The following CORO1C variants were observed in gnomAD, a reference collection of about 807,000 sequenced individuals.
CORO1C encodes the protein coronin 1C.
CORO1C carries 14 observed loss-of-function variants against 51.2 expected under a neutral mutation model. That is an observed-to-expected ratio of 0.27 (90% confidence interval 0.18 to 0.43). The LOEUF is 0.43. CORO1C is among the 20% of genes least tolerant of loss of function. The probability of loss-of-function intolerance (pLI) is 1.00; values close to 1 mark genes in which losing one functional copy is unlikely to be tolerated. For missense variants in CORO1C, 417 were observed against 607.8 expected (o/e 0.69, Z 3.30); for synonymous variants, 181 against 210.5 (o/e 0.86, Z 1.21).
intron 6 of CORO1C, 130 bp downstream of exon 6, chr12:108,657,174 C>T (rs754127578): frequency 2.2e-5 from 27 of 1,223,868 alleles, no homozygotes; most frequent in Non-Finnish European, 2.9e-5. Context: ...ACTTCACATC[C>T]AATCTAAGAC....
At chr12:108,650,941 CAT>C (rs746623685) in intron 8 of CORO1C, among the ~76,000 whole-genome samples, 3 of 151,902 alleles carry the variant, frequency 2.0e-5, no homozygotes, top group Non-Finnish European at 2.9e-5. Flanking sequence ...AAAAAAATCA[CAT>C]AGAGAGTTTT....
chr12:108,667,641 AG>A (rs2033536100), intron 3 of CORO1C, among the ~76,000 whole-genome samples: 1 of 152,198 alleles, frequency 6.6e-6, no homozygotes, highest in Non-Finnish European at 1.5e-5. Flanking sequence ...CTGGTGCATA[AG>A]GAAGTGAGGC....
intron 1 of CORO1C, among the ~76,000 whole-genome samples, chr12:108,714,449 T>C (rs1016611974): frequency 3.5e-5 from 5 of 143,038 alleles, no homozygotes; most frequent in South Asian, 4.5e-4. Flanking sequence ...CATAAAACAC[T>C]AGAAACACAC....
At chr12:108,673,425 G>A (rs544970543) in intron 3 of CORO1C, among the ~76,000 whole-genome samples, 2 of 152,292 alleles carry the variant, frequency 1.3e-5, no homozygotes, top group East Asian at 1.9e-4. Flanking sequence ...AACGAAAGAC[G>A]CCATCTCCAT....
At chr12:108,656,788 T>C (rs1214644261) in intron 6 of CORO1C, among the ~76,000 whole-genome samples, 1 of 152,218 alleles carries the variant, frequency 6.6e-6, no homozygotes, top group African/African-American at 2.4e-5. Context: ...CTGTGTCCAC[T>C]CAGGGTTAAA....
intron 1 of CORO1C, among the ~76,000 whole-genome samples, chr12:108,725,479 G>A (rs1302903543): frequency 6.6e-6 from 1 of 152,198 alleles, no homozygotes; most frequent in Non-Finnish European, 1.5e-5. Context: ...CACTACAGAG[G>A]AGGAAAGTGA....
chr12:108,676,325 CT>C (rs1458940219), intron 3 of CORO1C, among the ~76,000 whole-genome samples: 1 of 152,076 alleles, frequency 6.6e-6, no homozygotes, highest in Non-Finnish European at 1.5e-5. Flanking sequence ...CCTGAGTCTG[CT>C]TTTTCACTTA....
chr12:108,650,382 A>G (rs2032593290), intron 8 of CORO1C, among the ~76,000 whole-genome samples: 1 of 151,882 alleles, frequency 6.6e-6, no homozygotes. Flanking sequence ...GTCTCACTAG[A>G]TTGTCCATAC....
intron 1 of CORO1C, among the ~76,000 whole-genome samples, chr12:108,715,588 C>A (rs533744106): frequency 3.9e-5 from 6 of 151,914 alleles, no homozygotes; most frequent in African/African-American, 7.3e-5. Flanking sequence ...GCTGAAGAAA[C>A]GTCCCTTGGG....
chr12:108,677,736 C>T (rs1676247259), intron 3 of CORO1C, among the ~76,000 whole-genome samples: 1 of 152,190 alleles, frequency 6.6e-6, no homozygotes, highest in African/African-American at 2.4e-5. Flanking sequence ...TAAGCACATA[C>T]ACAAACACAC....
intron 3 of CORO1C, among the ~76,000 whole-genome samples, chr12:108,670,187 G>A (rs149087806): frequency 6.5e-4 from 99 of 152,254 alleles, no homozygotes; most frequent in African/African-American, 2.2e-3. Flanking sequence ...TAAGCAGGTG[G>A]GAGCAAACAC....
intron 2 of CORO1C, among the ~76,000 whole-genome samples, chr12:108,681,297 T>G (rs985798131): frequency 1.3e-5 from 2 of 152,216 alleles, no homozygotes; most frequent in Non-Finnish European, 2.9e-5. Context: ...ATTAAAGAGA[T>G]AATGTCTGAG....
chr12:108,715,984 G>A (rs1388301777), intron 1 of CORO1C, among the ~76,000 whole-genome samples: 3 of 151,504 alleles, frequency 2.0e-5, no homozygotes, highest in Non-Finnish European at 4.4e-5. Flanking sequence ...TGCAAAAATT[G>A]GCCAGGCGTG....
intron 3 of CORO1C, among the ~76,000 whole-genome samples, chr12:108,667,316 T>TGA (rs752380771): frequency 1.2e-4 from 19 of 152,348 alleles, no homozygotes; most frequent in Middle Eastern, 3.4e-3. Context: ...AGGACAGATC[T>TGA]GATCTCTGTG....
intron 1 of CORO1C, chr12:108,702,920 C>T: frequency 6.5e-7 from 1 of 1,535,372 alleles, no homozygotes; most frequent in Non-Finnish European, 8.7e-7. Context: ...TATTGCCAGA[C>T]TTTCCCAGCT....
chr12:108,727,612 C>T (rs1026891048), intron 1 of CORO1C, among the ~76,000 whole-genome samples: 3 of 152,120 alleles, frequency 2.0e-5, no homozygotes, highest in African/African-American at 7.2e-5. Context: ...TATAGCATAC[C>T]TTAAAATATA....
chr12:108,655,432 C>G (rs1359583748), intron 6 of CORO1C, among the ~76,000 whole-genome samples: 1 of 147,192 alleles, frequency 6.8e-6, no homozygotes, highest in African/African-American at 2.5e-5. Context: ...CCCTCTGATG[C>G]CGAGCCGAAG....
intron 3 of CORO1C, among the ~76,000 whole-genome samples, chr12:108,673,843 C>T (rs1233854633): frequency 2.0e-5 from 3 of 151,866 alleles, no homozygotes; most frequent in Non-Finnish European, 2.9e-5. Context: ...CTAACCTGCA[C>T]ATTGTGCACA....
At chr12:108,714,757 A>C (rs2035281995) in intron 1 of CORO1C, among the ~76,000 whole-genome samples, 1 of 152,034 alleles carries the variant, frequency 6.6e-6, no homozygotes, top group African/African-American at 2.4e-5. Context: ...AGTGATACCC[A>C]AAAAAAATAA....
Sources: allele counts gnomAD v4.1 joint callset (sites outside exome capture counted in the v4.1 genomes callset), GRCh38; gene constraint gnomAD v4.1.1; transcripts MANE v1.5; gene names NCBI Gene and HGNC (gene_info 2026-07-23, HGNC 2026-07-21).